Variants in DNAJC10 observed in about 807,000 individuals in gnomAD.
DNAJC10 encodes DnaJ heat shock protein family (Hsp40) member C10.
DNAJC10 carries 101 observed loss-of-function variants against 115.0 expected under a neutral mutation model. The ratio of observed to expected loss-of-function variants is 0.88; its 90% CI spans 0.75 to 1.04. The LOEUF (loss-of-function observed/expected upper bound fraction) is 1.04, where lower values mean the gene tolerates loss of function less well. DNAJC10 is among the 50% of genes least tolerant of loss of function. The pLI is 0.00. For synonymous variants in DNAJC10, 307 were observed against 301.5 expected, an observed-to-expected ratio of 1.02 and a Z score of -0.19; for missense variants, 981 against 928.8, an observed-to-expected ratio of 1.06 and a Z score of -0.73.
rs772956900 is a variant in DNAJC10, at chr2:182,777,117, A to G, written c.2371-4A>G. ...TCTCTATCGCCTTTACATTATTATT[A>G]TAGGATGAACTTTGATAATGTTGAA... On this transcript the variant is annotated splice_region_variant and splice_polypyrimidine_tract_variant and intron_variant, in intron 23 of 23. Coordinates refer to ENST00000264065, the MANE Select transcript of DNAJC10 (RefSeq NM_018981.4). 7.1e-7 allele frequency: 1 copy of G among 1,413,206 alleles called. No individual in the cohort carries two copies. Among genetic ancestry groups the G allele is most frequent in the South Asian group, 1.6e-5 (1 of 63,666 alleles). 87.5% of individuals were successfully genotyped at this position (1,413,206 alleles called of 1,614,324 possible).
chr2:182,760,633 T>G (rs1694264433), intron 21 of DNAJC10, among the ~76,000 whole-genome samples: 1 of 152,154 alleles, frequency 6.6e-6, no homozygotes. Context: ...GTAACAGTCT[T>G]ATTAGTGACC....
chr2:182,721,074 C>T (rs551760428), intron 4 of DNAJC10, among the ~76,000 whole-genome samples: 222 of 152,152 alleles, frequency 1.5e-3, no homozygotes, highest in Non-Finnish European at 2.2e-3. Flanking sequence ...ATTGTAAACA[C>T]ACAGGTATCA....
intron 11 of DNAJC10, chr2:182,739,962 A>T (rs1312544889): frequency 2.0e-6 from 2 of 994,732 alleles, no homozygotes; most frequent in African/African-American, 3.5e-5. Context: ...GCTAAAGATA[A>T]TGTGGTTTTT....
intron 22 of DNAJC10, among the ~76,000 whole-genome samples, chr2:182,774,196 G>C (rs1254976543): frequency 6.6e-6 from 1 of 152,182 alleles, no homozygotes; most frequent in Non-Finnish European, 1.5e-5. Flanking sequence ...AGCAAATATT[G>C]CTGCCTGATG....
At position 182,757,822 on chromosome 2, in the gene DNAJC10, A is replaced by G. The variant is rs752754793; in HGVS notation, c.1940A>G (p.Tyr647Cys). Residue 647 changes from tyrosine (Y) to cysteine (C), a missense_variant, in exon 19 of 24, where the codon TAT becomes TGT. Coordinates refer to ENST00000264065, the MANE Select transcript of DNAJC10 (RefSeq NM_018981.4). The stretch of plus-strand genomic sequence containing the variant: ...CCAAAATCAAATAAAGCTTATCATT[A>G]TCAGTAAGTATTCTCTCATATTTGA... ...FPPKSNKAYH[Y>C]HSYNGWNRDA... 6 of 1,423,812 alleles carry G rather than the reference A, an allele frequency of 4.2e-6. No individual in the cohort carries two copies. In the Admixed American group the frequency reaches 9.1e-5, roughly 22 times the overall value. 88.2% of individuals were successfully genotyped at this position (1,423,812 alleles called of 1,614,324 possible).
intron 22 of DNAJC10, among the ~76,000 whole-genome samples, chr2:182,765,825 G>A (rs555349234): frequency 7.5e-4 from 114 of 152,314 alleles, no homozygotes; most frequent in African/African-American, 2.6e-3. Context: ...TGCTAAAGTT[G>A]CAATGCATAT....
chr2:182,752,268 A>G, intron 16 of DNAJC10, 80 bp downstream of exon 16: 1 of 640,428 alleles, frequency 1.6e-6, no homozygotes, highest in Non-Finnish European at 2.5e-6. Flanking sequence ...AAAACATTAA[A>G]ATAACTTAGA....
intron 14 of DNAJC10, among the ~76,000 whole-genome samples, chr2:182,750,116 C>T (rs769134873): frequency 3.3e-5 from 5 of 152,110 alleles, no homozygotes; most frequent in Admixed American, 2.0e-4. Flanking sequence ...GTCAGTATTA[C>T]TTGGTGACTG....
At chr2:182,746,390 C>T (rs1236519124) in intron 14 of DNAJC10, among the ~76,000 whole-genome samples, 2 of 152,148 alleles carry the variant, frequency 1.3e-5, no homozygotes, top group African/African-American at 4.8e-5. Flanking sequence ...TCCTCTCCAG[C>T]ACCTGTTGTT....
chr2:182,737,345 G>A (rs1693610129), intron 11 of DNAJC10, among the ~76,000 whole-genome samples: 1 of 152,090 alleles, frequency 6.6e-6, no homozygotes, highest in Admixed American at 6.6e-5. Context: ...TGCTTTTTTA[G>A]ATGTTGATAA....
Position 182,724,583 on chromosome 2 carries a change from C to T in DNAJC10, c.418+2508C>T, listed in dbSNP as rs557562672. ...AAACAGGTACAGGACTCAGTGTTCA[C>T]CTACATTTCAAGTATAAGATAGACC... On this transcript the variant is annotated intron_variant, in intron 5 of 23. Coordinates refer to ENST00000264065, the MANE Select transcript of DNAJC10 (RefSeq NM_018981.4). 1.2e-3 allele frequency among the ~76,000 whole-genome samples: 178 copies of T among 152,244 alleles called. 1 individual carries two copies. Among genetic ancestry groups the T allele is most frequent in the African/African-American group, 3.9e-3 (160 of 41,554 alleles).
chr2:182,741,350 T>C lies in DNAJC10; in HGVS notation c.1185T>C (p.His395=). 6.6e-7 allele frequency: 1 copy of C among 1,513,244 alleles called. No individual in the cohort carries two copies. The highest frequency in any genetic ancestry group is 9.0e-7 in the Non-Finnish European group (1 of 1,105,368). 93.7% of individuals were successfully genotyped at this position (1,513,244 alleles called of 1,614,324 possible). Residue 395 remains histidine, a synonymous_variant, in exon 13 of 24, where the codon CAT becomes CAC. Coordinates refer to ENST00000264065, the MANE Select transcript of DNAJC10 (RefSeq NM_018981.4). ...KKLKTLLKND[H]IQVGRFDCSS... ...TAAAAACTCTACTTAAAAATGATCA[T>C]ATTCAAGTAAGAAAAATGTATTCTG...
chr2:182,728,352 T>A (rs1344125792), intron 5 of DNAJC10, among the ~76,000 whole-genome samples: 1 of 152,184 alleles, frequency 6.6e-6, no homozygotes, highest in African/African-American at 2.4e-5. Flanking sequence ...AAAGCTATTG[T>A]TGGTTTGACA....
chr2:182,769,127 C>T (rs1694492857), intron 22 of DNAJC10, among the ~76,000 whole-genome samples: 1 of 152,134 alleles, frequency 6.6e-6, no homozygotes, highest in African/African-American at 2.4e-5. Flanking sequence ...TTTCCAGCTA[C>T]ATTCATGTCC....
chr2:182,736,939 G>A (rs1185796046), intron 11 of DNAJC10, among the ~76,000 whole-genome samples: 1 of 152,054 alleles, frequency 6.6e-6, no homozygotes, highest in African/African-American at 2.4e-5. Context: ...TAGTAGAGAC[G>A]GGGTTTCGCC....
Position 182,778,948 on chromosome 2 carries a change from G to T in DNAJC10, c.*1816G>T, listed in dbSNP as rs1483890192. 6.6e-6 allele frequency: 1 copy of T among 152,132 alleles called. No individual in the cohort carries two copies. The highest frequency in any genetic ancestry group is 2.4e-5 in the African/African-American group (1 of 41,422). 9.4% of individuals were successfully genotyped at this position (152,132 alleles called of 1,614,324 possible). On this transcript the variant is annotated 3_prime_UTR_variant, in exon 24 of 24. Coordinates refer to ENST00000264065, the MANE Select transcript of DNAJC10 (RefSeq NM_018981.4). ...CTGGACACTGAGGAGTGTTCAAAAG[G>T]AATCTAAGACATGGTCCCCATCTTC...
rs1400022003 is a variant in DNAJC10, at chr2:182,791,747, C to T, written c.*14615C>T. The T allele has an allele frequency of 6.6e-6, 1 of 152,006 alleles. No individual in the cohort carries two copies. Among genetic ancestry groups the T allele is most frequent in the African/African-American group, 2.4e-5 (1 of 41,378 alleles). The allele number at this position is 152,006 out of a possible 1,614,324, so 9.4% of individuals were successfully genotyped here. A position where few individuals can be genotyped will look rare whatever the true frequency, so the allele number is the denominator to read the frequency against. On this transcript the variant is annotated 3_prime_UTR_variant, in exon 24 of 24. Transcript: ENST00000264065. ...ATAACACTCTAATGTGGATAAGACA[C>T]CTCAAAAACAGGAGTTTAGTCATTT...
In DNAJC10 at chr2:182,739,721, T is replaced by C. The variant is rs568616323; in HGVS notation, c.988-578T>C. ...TTAAGATAAGATCTGTATCATTGTATTTTACTCTAAAAACTCCTAAGTGGT... is the reference window on the plus strand; with the variant it reads ...TTAAGATAAGATCTGTATCATTGTACTTTACTCTAAAAACTCCTAAGTGGT... On this transcript the variant is annotated intron_variant, in intron 11 of 23. Transcript: ENST00000264065. The C allele has an allele frequency of 3.0e-5, 30 of 1,007,616 alleles. 1 individual carries two copies. In the South Asian group the frequency reaches 1.0e-3, roughly 34 times the overall value. The allele number at this position is 1,007,616 out of a possible 1,614,324, so 62.4% of individuals were successfully genotyped here.
chr2:182,740,441 G>T, intron 12 of DNAJC10, 53 bp downstream of exon 12: 5 of 1,471,864 alleles, frequency 3.4e-6, no homozygotes, highest in South Asian at 2.8e-5. Context: ...TAACATTTCA[G>T]GTCTTAACAT....
Sources: gnomAD v4.1 joint callset for allele counts (sites outside exome capture counted in the v4.1 genomes callset) on GRCh38, gnomAD v4.1.1 for gene constraint, MANE v1.5 for transcripts, NCBI Gene and HGNC (gene_info 2026-07-23, HGNC 2026-07-21) for gene names.